The following GRAPL variants were observed in gnomAD, a reference collection of about 807,000 sequenced individuals.
GRAPL encodes the protein GRB2-related adapter protein-like.
At chr17:19,151,740 AGCT>A in intron 3 of GRAPL, among the ~76,000 whole-genome samples, 1 of 47,236 alleles carries the variant, frequency 2.1e-5, no homozygotes, top group South Asian at 6.3e-4. Context: ...CACCATGCCC[AGCT>A]AATTCTTTTG....
intron 3 of GRAPL, among the ~76,000 whole-genome samples, chr17:19,144,606 C>G (rs948334923): frequency 2.2e-5 from 3 of 139,500 alleles, no homozygotes; most frequent in African/African-American, 7.9e-5. Flanking sequence ...CGGCACTGCC[C>G]ACTGAAGTGA....
rs1296426882 is a variant in GRAPL, at chr17:19,147,060, CGCGCGT to C, written c.299+8475_299+8480del. Among the ~76,000 whole-genome samples the C allele has an allele frequency of 1.4e-4, 19 of 134,354 alleles. 1 individual carries two copies. Among genetic ancestry groups the C allele is most frequent in the African/African-American group, 6.0e-4 (18 of 29,794 alleles). The allele number at this position is 134,354 out of a possible 152,430, so 88.1% of individuals were successfully genotyped here. ...GTGTGTGTGTGTGTGTGCGCGCGCG[CGCGCGT>C]GCATGTGTCCCATCAAGGCATCAAG... On this transcript the variant is annotated intron_variant, in intron 3 of 3. Coordinates refer to ENST00000344415, the MANE Select transcript of GRAPL (RefSeq NM_001129778.3).
At position 19,151,882 on chromosome 17, in the gene GRAPL, C is replaced by CTT. The variant is rs1203783656; in HGVS notation, c.300-6418_300-6417dup. 3.7e-3 allele frequency among the ~76,000 whole-genome samples: 232 copies of CTT among 62,484 alleles called. 3 individuals carry two copies. In the East Asian group the frequency reaches 0.046, roughly 12 times the overall value. The allele number at this position is 62,484 out of a possible 152,430, so 41.0% of individuals were successfully genotyped here. On this transcript the variant is annotated intron_variant, in intron 3 of 3. Coordinates refer to ENST00000344415, the MANE Select transcript of GRAPL (RefSeq NM_001129778.3). ...AGGCGTCAGCCACCACGCCCAGGCT[C>CTT]TTTTTTTTTTTTTTTTTTTTGAGTC...
At chr17:19,148,919 A>G (rs2044713453) in intron 3 of GRAPL, among the ~76,000 whole-genome samples, 1 of 135,670 alleles carries the variant, frequency 7.4e-6, no homozygotes. Context: ...AAAAAAAAAA[A>G]AAAAAGAAAA....
chr17:19,144,734 G>A (rs1452534269), intron 3 of GRAPL, among the ~76,000 whole-genome samples: 9 of 104,692 alleles, frequency 8.6e-5, no homozygotes, highest in Admixed American at 2.2e-4. Flanking sequence ...CAGCCCTCCC[G>A]GTTCCGGGGC....
intron 3 of GRAPL, among the ~76,000 whole-genome samples, chr17:19,148,783 C>T (rs1247268224): frequency 1.1e-5 from 1 of 94,172 alleles, no homozygotes; most frequent in African/African-American, 3.9e-5. Flanking sequence ...TGGTGGGCGC[C>T]TGTAGTCCCA....
At chr17:19,147,091 G>A (rs2044701580) in intron 3 of GRAPL, among the ~76,000 whole-genome samples, 1 of 142,288 alleles carries the variant, frequency 7.0e-6, no homozygotes, top group Admixed American at 6.9e-5. Context: ...AAGGCATCAA[G>A]TGCTTTGGAC....
intron 3 of GRAPL, among the ~76,000 whole-genome samples, chr17:19,148,825 G>A (rs1234280269): frequency 9.2e-5 from 10 of 109,122 alleles, no homozygotes; most frequent in African/African-American, 2.3e-4. Context: ...GGAGAATGGC[G>A]TGAACCTGGG....
At chr17:19,152,144 A>AT (rs1309915059) in intron 3 of GRAPL, among the ~76,000 whole-genome samples, 5 of 18,034 alleles carry the variant, frequency 2.8e-4, no homozygotes, top group Non-Finnish European at 3.7e-4. Flanking sequence ...CCCGGCCCAA[A>AT]TTTTTTTTTT....
intron 3 of GRAPL, among the ~76,000 whole-genome samples, chr17:19,149,620 G>GCC (rs995768938): frequency 9.2e-6 from 1 of 108,790 alleles, no homozygotes; most frequent in Non-Finnish European, 1.6e-5. Flanking sequence ...AATTACCTGG[G>GCC]CATGGTGGTG....
At chr17:19,148,805 G>T (rs2152189829) in intron 3 of GRAPL, among the ~76,000 whole-genome samples, 1 of 107,644 alleles carries the variant, frequency 9.3e-6, no homozygotes, top group East Asian at 5.0e-4. Context: ...CTACTCGGGA[G>T]GCTGAGGCAG....
At position 19,149,346 on chromosome 17, in the gene GRAPL, A is replaced by C. The variant is rs1282304819; in HGVS notation, c.300-8973A>C. 3.1e-5 allele frequency among the ~76,000 whole-genome samples: 3 copies of C among 98,140 alleles called. 1 individual carries two copies. The highest frequency in any genetic ancestry group is 5.2e-5 in the Non-Finnish European group (3 of 58,208). 64.4% of individuals were successfully genotyped at this position (98,140 alleles called of 152,430 possible). On this transcript the variant is annotated intron_variant, in intron 3 of 3. Transcript: ENST00000344415. ...TCTGTCTCAAAAAAAAAAAAAAAAAAAAAAAAAAAAGATAGCATCCACTCA... is the reference window on the plus strand; with the variant it reads ...TCTGTCTCAAAAAAAAAAAAAAAAACAAAAAAAAAAGATAGCATCCACTCA...
At chr17:19,147,046 T>C (rs1236909234) in intron 3 of GRAPL, among the ~76,000 whole-genome samples, 40 of 125,686 alleles carry the variant, frequency 3.2e-4, no homozygotes, top group African/African-American at 1.4e-3. Context: ...TGTGTGTGTG[T>C]GTGTGCGCGC....
At chr17:19,144,476 C>T (rs1173155133) in intron 3 of GRAPL, among the ~76,000 whole-genome samples, 2 of 141,236 alleles carry the variant, frequency 1.4e-5, no homozygotes, top group Non-Finnish European at 3.0e-5. Context: ...CTCATGATTG[C>T]TCAGTGAGAG....
At chr17:19,147,068 C>T (rs1275694012) in intron 3 of GRAPL, among the ~76,000 whole-genome samples, 1 of 136,544 alleles carries the variant, frequency 7.3e-6, no homozygotes, top group Admixed American at 7.2e-5. Flanking sequence ...CGCGCGCGTG[C>T]ATGTGTCCCA....
At position 19,144,339 on chromosome 17, in the gene GRAPL, A is replaced by G. The variant is rs1485589775; in HGVS notation, c.299+5751A>G. ...ACCAGGCCAGAAAAACTCGCTGGGC[A>G]GGACTGGCTGCTGCCAGCATTAGGC... is the stretch of plus-strand genomic sequence containing the variant. On this transcript the variant is annotated intron_variant, in intron 3 of 3. Transcript: ENST00000344415. Among the ~76,000 whole-genome samples the G allele has an allele frequency of 5.2e-5, 7 of 135,126 alleles. 2 individuals carry two copies. In the East Asian group the frequency reaches 2.4e-3, roughly 46 times the overall value. 88.6% of individuals were successfully genotyped at this position (135,126 alleles called of 152,430 possible). A position where few individuals can be genotyped will look rare whatever the true frequency, so the allele number is the denominator to read the frequency against.
Position 19,149,008 on chromosome 17 carries a change from A to G in GRAPL, c.300-9311A>G, listed in dbSNP as rs1174061234. ...GATTTGGCGATAGTGGGCTGGCTGG[A>G]AGGCTGGGCACAGACGGGAAATGAG... On this transcript the variant is annotated intron_variant, in intron 3 of 3. Transcript: ENST00000344415. 1.5e-5 allele frequency among the ~76,000 whole-genome samples: 2 copies of G among 131,164 alleles called. 1 individual carries two copies. Among genetic ancestry groups the G allele is most frequent in the African/African-American group, 5.6e-5 (2 of 35,634 alleles). The allele number at this position is 131,164 out of a possible 152,430, so 86.0% of individuals were successfully genotyped here. A position where few individuals can be genotyped will look rare whatever the true frequency, so the allele number is the denominator to read the frequency against.
intron 3 of GRAPL, among the ~76,000 whole-genome samples, chr17:19,144,582 C>T (rs1293520338): frequency 2.8e-5 from 4 of 141,894 alleles, no homozygotes; most frequent in South Asian, 2.6e-4. Flanking sequence ...ACAATGGAGA[C>T]GCTCTCACAC....
At chr17:19,142,349 TGA>T (rs956436132) in intron 3 of GRAPL, 1 of 102,166 alleles carries the variant, frequency 9.8e-6, no homozygotes, top group Non-Finnish European at 1.6e-5. Flanking sequence ...GGGAACAGCA[TGA>T]GTAGAGATCT....
Sources: allele counts gnomAD v4.1 joint callset (sites outside exome capture counted in the v4.1 genomes callset), GRCh38; gene constraint gnomAD v4.1.1; transcripts MANE v1.5; gene names NCBI Gene and HGNC (gene_info 2026-07-23, HGNC 2026-07-21).